The following POLG2 variants were observed in gnomAD, a reference collection of about 807,000 sequenced individuals.
POLG2 encodes DNA polymerase gamma 2, accessory subunit.
POLG2 carries 50 observed loss-of-function variants against 56.5 expected under a neutral mutation model. The observed-to-expected ratio is 0.88, with a 90% CI of 0.71 to 1.12. The LOEUF (loss-of-function observed/expected upper bound fraction) is 1.12, where lower values mean the gene tolerates loss of function less well. Ranked by LOEUF, POLG2 falls within the 50% of genes most tolerant of loss-of-function variation. The pLI is 0.00. For synonymous variants in POLG2, 226 were observed against 222.6 expected (o/e 1.02, Z -0.14); for missense variants, 584 against 583.3 (o/e 1.00, Z -0.01).
chr17:64,479,106 T>C (rs888569518), intron 7 of POLG2, among the ~76,000 whole-genome samples: 11 of 151,980 alleles, frequency 7.2e-5, no homozygotes, highest in Non-Finnish European at 1.6e-4. Flanking sequence ...GTGCTGCCCC[T>C]TCATTTTACA....
At position 64,491,700 on chromosome 17, in the gene POLG2, T is replaced by C; in HGVS notation, c.796-731A>G. On this transcript the variant is annotated intron_variant, in intron 3 of 7. Transcript: ENST00000539111. ...CGTGAAGAAGGGGAGCATCTCGGGG[T>C]TTACCATGGTGCTGGCAGGGTACAT... 7.7e-6 allele frequency: 8 copies of C among 1,039,190 alleles called. 1 individual carries two copies. The South Asian group carries it at 1.0e-4, about 13-fold the overall frequency. 64.4% of individuals were successfully genotyped at this position (1,039,190 alleles called of 1,614,324 possible). A position where few individuals can be genotyped will look rare whatever the true frequency, so the allele number is the denominator to read the frequency against.
chr17:64,495,898 G>A (rs1263197526), intron 1 of POLG2, among the ~76,000 whole-genome samples: 1 of 152,110 alleles, frequency 6.6e-6, no homozygotes, highest in Non-Finnish European at 1.5e-5. Context: ...TAGTAGAGAC[G>A]GGGTTTCACC....
rs782520895 is a variant in POLG2, at chr17:64,496,976, C to T, written c.-8G>A. 1.9e-6 allele frequency: 3 copies of T among 1,602,576 alleles called. No homozygotes were observed. The highest frequency in any genetic ancestry group is 2.5e-6 in the Non-Finnish European group (3 of 1,179,242). On this transcript the variant is annotated 5_prime_UTR_variant, in exon 1 of 8. Coordinates refer to ENST00000539111, the MANE Select transcript of POLG2 (RefSeq NM_007215.4). ...GGCTACACGAGAGCGCATCTCTCTC[C>T]GAAGTTAAAGAGCACACTCTCCCAT...
intron 4 of POLG2, among the ~76,000 whole-genome samples, chr17:64,490,175 G>A (rs556691521): frequency 6.6e-6 from 1 of 152,018 alleles, no homozygotes; most frequent in Non-Finnish European, 1.5e-5. Context: ...CTCCCACTTC[G>A]GCCTCACAAA....
At position 64,492,717 on chromosome 17, in the gene POLG2, T is replaced by A; in HGVS notation, c.745A>T (p.Asn249Tyr). 3 of 1,613,606 alleles carry A rather than the reference T, an allele frequency of 1.9e-6. No individual in the cohort carries two copies. The East Asian group carries it at 6.7e-5, about 36-fold the overall frequency. Residue 249 changes from asparagine (N) to tyrosine (Y), a missense_variant, in exon 3 of 8, where the codon AAC becomes TAC. Coordinates refer to ENST00000539111, the MANE Select transcript of POLG2 (RefSeq NM_007215.4). ...CGTAACCAGAAATCAAGCCACTGGT[T>A]TGAAGTTCTCGGAGGAGTAAACCAT... ...LVWFTPPRTS[N>Y]QWLDFWLRHR...
chr17:64,480,080 C>T (rs913908640), intron 7 of POLG2, among the ~76,000 whole-genome samples: 11 of 152,218 alleles, frequency 7.2e-5, no homozygotes, highest in African/African-American at 2.7e-4. Context: ...CTTGGAACTA[C>T]ATACAGCATG....
At chr17:64,491,145 A>T (rs2038051652) in intron 3 of POLG2, among the ~76,000 whole-genome samples, 176 bp from the exon 4 acceptor site, 1 of 151,802 alleles carries the variant, frequency 6.6e-6, no homozygotes, top group Non-Finnish European at 1.5e-5. Context: ...TTTTTTTGAG[A>T]TGTGTCTCAT....
chr17:64,481,415 CCAGA>C (rs1179566570), intron 6 of POLG2: 2 of 985,142 alleles, frequency 2.0e-6, no homozygotes, highest in African/African-American at 3.5e-5. Flanking sequence ...TCTCAATCAC[CCAGA>C]CAGAAATGAC....
At chr17:64,479,794 T>C (rs1568081022) in intron 7 of POLG2, among the ~76,000 whole-genome samples, 1 of 152,172 alleles carries the variant, frequency 6.6e-6, no homozygotes, top group South Asian at 2.1e-4. Context: ...AGACTGGATG[T>C]AGAGAATGAG....
At chr17:64,481,875 A>AAAAT (rs1262102739) in intron 6 of POLG2, among the ~76,000 whole-genome samples, 42 of 151,996 alleles carry the variant, frequency 2.8e-4, no homozygotes, top group South Asian at 1.2e-3. Context: ...ACTCCGTCTC[A>AAAAT]AAATAAATAA....
chr17:64,478,732 C>T (rs1451818399), intron 7 of POLG2, among the ~76,000 whole-genome samples: 2 of 151,688 alleles, frequency 1.3e-5, no homozygotes, highest in Non-Finnish European at 2.9e-5. Context: ...CCCATCTCTA[C>T]CAAAACTACA....
At chr17:64,492,397 C>G (rs2038076259) in intron 3 of POLG2, among the ~76,000 whole-genome samples, 1 of 152,192 alleles carries the variant, frequency 6.6e-6, no homozygotes, top group Non-Finnish European at 1.5e-5. Flanking sequence ...TCAAACTCTA[C>G]ATCAGCCAGG....
rs782170612 is a variant in POLG2 at position 64,480,319 on chromosome 17, A to G, written c.1262T>C (p.Met421Thr). 2.7e-5 allele frequency: 43 copies of G among 1,590,236 alleles called. No individual in the cohort carries two copies. Among genetic ancestry groups the G allele is most frequent in the Non-Finnish European group, 3.4e-5 (39 of 1,159,550 alleles). Residue 421 changes from methionine to threonine, a missense_variant, in exon 7 of 8, where the codon ATG (methionine) becomes ACG (threonine). Transcript: ENST00000539111. The part of the protein sequence containing the change: ...ISVWPGYLET[M>T]QSSLEQLYSK... The stretch of plus-strand genomic sequence containing the variant: ...ATAAAGTTGTTCCAATGAGGACTGC[A>G]TAGTTTCCAAATAACCAGGCCACAC...
At chr17:64,488,839 A>G (rs1205525909) in intron 4 of POLG2, among the ~76,000 whole-genome samples, 1 of 152,070 alleles carries the variant, frequency 6.6e-6, no homozygotes, top group Non-Finnish European at 1.5e-5. Context: ...GTGGTGGCGC[A>G]CACCTATAGT....
rs529868102 is a variant in POLG2, at chr17:64,489,796, C to CATT, written c.969+997_969+999dup. 5.8e-3 allele frequency among the ~76,000 whole-genome samples: 869 copies of CATT among 151,014 alleles called. 6 individuals are homozygous for CATT. Among genetic ancestry groups the CATT allele is most frequent in the South Asian group, 0.011 (50 of 4,744 alleles). Reference sequence around the variant, plus strand: ...AAAAATCACCATTTGGCAAACCTCACATTAGTAACTGATCTGGGCAAGAAT... The same window carrying CATT: ...AAAAATCACCATTTGGCAAACCTCACATTATTAGTAACTGATCTGGGCAAGAAT... On this transcript the variant is annotated intron_variant, in intron 4 of 7. Transcript: ENST00000539111.
At position 64,497,049 on chromosome 17, in the gene POLG2, A is replaced by G. The variant is rs9897606; in HGVS notation, c.-81T>C. 184,926 of 1,414,468 alleles carry G rather than the reference A, an allele frequency of 0.13. 26,358 individuals are homozygous for G. Among genetic ancestry groups the G allele is most frequent in the African/African-American group, 0.71 (51,112 of 71,640 alleles). 87.6% of individuals were successfully genotyped at this position (1,414,468 alleles called of 1,614,324 possible). Reference sequence around the variant, plus strand: ...CACCACTACCGTTAACAGAATCCGGAGAGGCCACGGCGCAGGCGCAACGGA... The same window carrying G: ...CACCACTACCGTTAACAGAATCCGGGGAGGCCACGGCGCAGGCGCAACGGA... On this transcript the variant is annotated 5_prime_UTR_variant, in exon 1 of 8. Transcript: ENST00000539111.
At chr17:64,488,235 GA>G (rs2037992262) in intron 4 of POLG2, among the ~76,000 whole-genome samples, 1 of 151,614 alleles carries the variant, frequency 6.6e-6, no homozygotes, top group African/African-American at 2.4e-5. Context: ...AATGGCCTCA[GA>G]AACATTTCAA....
rs868956057 is a variant in POLG2, at chr17:64,495,955, C to G, written c.562+452G>C. On this transcript the variant is annotated intron_variant, in intron 1 of 7. Coordinates refer to ENST00000539111, the MANE Select transcript of POLG2 (RefSeq NM_007215.4). ...AACTCCTGACCTCAGGTGATCCACC[C>G]GCCTCTGCCTTGCAAAATGCTGGGA... Among the ~76,000 whole-genome samples, 27 of 152,240 alleles carry G rather than the reference C, an allele frequency of 1.8e-4. No homozygotes were observed. In the South Asian group the frequency reaches 1.9e-3, roughly 11 times the overall value.
intron 6 of POLG2, among the ~76,000 whole-genome samples, chr17:64,481,754 A>C (rs1042649001): frequency 2.0e-5 from 3 of 152,022 alleles, no homozygotes; most frequent in Non-Finnish European, 4.4e-5. Context: ...GTGTACCTGT[A>C]ATCCCATCTA....
Sources: allele counts gnomAD v4.1 joint callset (sites outside exome capture counted in the v4.1 genomes callset), GRCh38; gene constraint gnomAD v4.1.1; transcripts MANE v1.5; gene names NCBI Gene and HGNC (gene_info 2026-07-23, HGNC 2026-07-21).